Variants in POF1B observed in about 807,000 individuals in gnomAD.
POF1B encodes protein POF1B.
A neutral mutation model predicts 55.3 loss-of-function variants in POF1B; 53 were observed. That is an observed-to-expected ratio of 0.96 (90% CI 0.77 to 1.20). The LOEUF is 1.20. POF1B is among the 50% of genes most tolerant of loss of function. POF1B has a pLI of 0.00. For synonymous variants in POF1B, 188 were observed against 148.3 expected (o/e 1.27, Z -1.95); for missense variants, 478 against 420.5 (o/e 1.14, Z -1.20).
intron 7 of POF1B, among the ~76,000 whole-genome samples, chrX:85,323,401 C>G (rs186408528): frequency 2.9e-4 from 29 of 100,162 alleles, no homozygotes; most frequent in Admixed American, 2.9e-3. Flanking sequence ...ACAATGAGAA[C>G]ACACGGACAC....
chrX:85,353,939 A>G (rs1456672045), intron 4 of POF1B, among the ~76,000 whole-genome samples: 2 of 111,566 alleles, frequency 1.8e-5, no homozygotes, highest in Non-Finnish European at 3.8e-5. Flanking sequence ...AACAGATGAG[A>G]ATTATAAAGT....
chrX:85,280,754 G>A (rs1056742383), intron 16 of POF1B, among the ~76,000 whole-genome samples: 1 of 111,089 alleles, frequency 9.0e-6, no homozygotes, highest in South Asian at 3.8e-4. Context: ...TTCACCAGAA[G>A]GATATCACAC....
At chrX:85,318,374 A>G (rs534899228) in intron 7 of POF1B, among the ~76,000 whole-genome samples, 1 of 111,831 alleles carries the variant, frequency 8.9e-6, no homozygotes, top group South Asian at 3.7e-4. Flanking sequence ...CTTTAGTTCA[A>G]TTAGGTCCCA....
At chrX:85,363,659 T>C (rs755982908) in intron 3 of POF1B, among the ~76,000 whole-genome samples, 1 of 111,969 alleles carries the variant, frequency 8.9e-6, no homozygotes, top group African/African-American at 3.2e-5. Context: ...GATTGTTTTA[T>C]ATCTGATTGT....
intron 9 of POF1B, among the ~76,000 whole-genome samples, chrX:85,312,620 C>T (rs1384137356): frequency 9.0e-6 from 1 of 111,317 alleles, no homozygotes; most frequent in Non-Finnish European, 1.9e-5. Context: ...ATGCCTCCAG[C>T]TTTGTTCTTT....
chrX:85,320,064 C>G (rs1932821521), intron 7 of POF1B, among the ~76,000 whole-genome samples: 1 of 111,088 alleles, frequency 9.0e-6, no homozygotes, highest in Non-Finnish European at 1.9e-5. Flanking sequence ...CATTATTGTT[C>G]TGTTCAGGGA....
intron 4 of POF1B, among the ~76,000 whole-genome samples, chrX:85,353,828 A>G (rs756698251): frequency 1.8e-5 from 2 of 111,515 alleles, no homozygotes; most frequent in African/African-American, 6.5e-5. Flanking sequence ...AGAACTAGAC[A>G]TGTCTCAAGA....
chrX:85,289,502 G>A (rs1404494506), intron 15 of POF1B, among the ~76,000 whole-genome samples: 1 of 111,642 alleles, frequency 9.0e-6, no homozygotes, highest in Non-Finnish European at 1.9e-5. Flanking sequence ...CCTGAACTGC[G>A]ATGGCAGCTC....
At chrX:85,377,640 G>A (rs1049223916) in intron 2 of POF1B, among the ~76,000 whole-genome samples, 2 of 111,459 alleles carry the variant, frequency 1.8e-5, no homozygotes, top group Admixed American at 1.9e-4. Flanking sequence ...ATAAACTCCT[G>A]TGTGGCGAGC....
At chrX:85,306,744 C>A (rs993000544) in intron 11 of POF1B, among the ~76,000 whole-genome samples, 1 of 111,389 alleles carries the variant, frequency 9.0e-6, no homozygotes, top group Non-Finnish European at 1.9e-5. Flanking sequence ...AGACTACTTA[C>A]AATTTCCTAG....
intron 6 of POF1B, among the ~76,000 whole-genome samples, chrX:85,333,786 C>T (rs1410506955): frequency 9.0e-6 from 1 of 110,787 alleles, no homozygotes; most frequent in Non-Finnish European, 1.9e-5. Context: ...GAATAATGTC[C>T]ATCAGATTCT....
chrX:85,358,199 A>G (rs1933538933), intron 4 of POF1B, among the ~76,000 whole-genome samples: 1 of 111,736 alleles, frequency 8.9e-6, no homozygotes, highest in Non-Finnish European at 1.9e-5. Context: ...AATCATACTA[A>G]TACCTTAAAC....
At chrX:85,327,780 C>T (rs1321398105) in intron 7 of POF1B, among the ~76,000 whole-genome samples, 1 of 112,293 alleles carries the variant, frequency 8.9e-6, no homozygotes, top group Admixed American at 9.5e-5. Flanking sequence ...CTAATCCTTA[C>T]TTCTTCCAAT....
chrX:85,372,359 A>AAT (rs2147952990), intron 2 of POF1B, among the ~76,000 whole-genome samples: 1 of 103,225 alleles, frequency 9.7e-6, no homozygotes, highest in South Asian at 4.4e-4. Flanking sequence ...AAAAAAAAAA[A>AAT]GAAATGAAAA....
chrX:85,362,803 T>C, intron 3 of POF1B, among the ~76,000 whole-genome samples: 1 of 111,681 alleles, frequency 9.0e-6, no homozygotes, highest in Non-Finnish European at 1.9e-5. Flanking sequence ...TTTTTTGTAG[T>C]ACTTTCAATA....
chrX:85,294,400 G>T (rs957591059), intron 15 of POF1B, among the ~76,000 whole-genome samples: 3 of 111,867 alleles, frequency 2.7e-5, no homozygotes, highest in African/African-American at 9.8e-5. Context: ...TTGATGCCTA[G>T]TTTCTTGAGG....
chrX:85,369,143 C>G lies in POF1B; in HGVS notation c.283-1377G>C, dbSNP rs147271963. Among the ~76,000 whole-genome samples the G allele has an allele frequency of 7.8e-3, 872 of 111,955 alleles. 28 individuals carry two copies. The highest frequency in any genetic ancestry group is 0.063 in the Admixed American group (668 of 10,534). On this transcript the variant is annotated intron_variant, in intron 2 of 16. Coordinates refer to ENST00000262753, the MANE Select transcript of POF1B (RefSeq NM_024921.4). ...TTTATATCAACAGCAATACTGCAGG[C>G]TCAGTATTTCTAGGAATCTTTTGCA...
chrX:85,294,274 A>G (rs1298271897), intron 15 of POF1B, among the ~76,000 whole-genome samples: 3 of 111,688 alleles, frequency 2.7e-5, no homozygotes, highest in Non-Finnish European at 3.8e-5. Flanking sequence ...AGGGTTAGAG[A>G]GAACATCTTT....
intron 6 of POF1B, among the ~76,000 whole-genome samples, chrX:85,337,164 T>TTATGC (rs1180203646): frequency 1.8e-5 from 2 of 111,642 alleles, no homozygotes; most frequent in Non-Finnish European, 3.8e-5. Context: ...TGTGTTTGTT[T>TTATGC]TATGCCATTA....
Sources: allele counts gnomAD v4.1 joint callset (sites outside exome capture counted in the v4.1 genomes callset), GRCh38; gene constraint gnomAD v4.1.1; transcripts MANE v1.5; gene names NCBI Gene and HGNC (gene_info 2026-07-23, HGNC 2026-07-21).